Variants in SKAP1 observed in about 807,000 individuals in gnomAD.
SKAP1 encodes src kinase-associated phosphoprotein 1.
A neutral mutation model predicts 58.5 loss-of-function variants in SKAP1; 44 were observed. The observed-to-expected ratio is 0.75, with a 90% confidence interval of 0.59 to 0.97. The LOEUF is 0.97. SKAP1 is among the 50% of genes least tolerant of loss of function. The pLI, the probability that SKAP1 is intolerant of heterozygous loss-of-function variation, is 0.00. For missense variants in SKAP1, 390 were observed against 435.2 expected (o/e 0.90, Z 0.92); for synonymous variants, 127 against 149.7 (o/e 0.85, Z 1.11).
chr17:48,434,043 C>G (rs575653452), upstream of SKAP1, among the ~76,000 whole-genome samples: 58 of 152,330 alleles, frequency 3.8e-4, no homozygotes, highest in Non-Finnish European at 7.3e-4. Flanking sequence ...AGGGCAGGCT[C>G]TGAGGCTTTA....
At chr17:48,330,717 G>A (rs762898487) in intron 4 of SKAP1, among the ~76,000 whole-genome samples, 18 of 152,052 alleles carry the variant, frequency 1.2e-4, no homozygotes, top group Admixed American at 4.6e-4. Flanking sequence ...GAGTTGTCTC[G>A]TTCTTTCAAC....
intron 11 of SKAP1, among the ~76,000 whole-genome samples, chr17:48,157,211 G>A (rs190859933): frequency 7.3e-5 from 11 of 151,006 alleles, no homozygotes; most frequent in South Asian, 2.1e-4. Context: ...GACAGGTGAT[G>A]GGCACTTGGT....
chr17:48,394,708 G>T (rs2067394154), intron 2 of SKAP1, among the ~76,000 whole-genome samples: 1 of 152,064 alleles, frequency 6.6e-6, no homozygotes, highest in Non-Finnish European at 1.5e-5. Flanking sequence ...CTTTTTGGGG[G>T]ACATATAACT....
At chr17:48,210,625 A>G (rs11079816) in intron 4 of SKAP1, among the ~76,000 whole-genome samples, 126,014 of 151,728 alleles carry the variant, frequency 0.83, 52,390 homozygotes, top group East Asian at 0.95. Flanking sequence ...TTGTACTCAC[A>G]GCAATTTTAA....
intron 1 of SKAP1, among the ~76,000 whole-genome samples, chr17:48,418,904 G>A (rs2067762862): frequency 6.6e-6 from 1 of 152,178 alleles, no homozygotes; most frequent in Non-Finnish European, 1.5e-5. Context: ...AATACTGACT[G>A]GAAAGGAAAC....
intron 1 of SKAP1, among the ~76,000 whole-genome samples, chr17:48,400,481 G>C (rs1833328640): frequency 6.6e-6 from 1 of 152,080 alleles, no homozygotes; most frequent in Admixed American, 6.5e-5. Flanking sequence ...ATGTAGGATG[G>C]GCATGGTGGT....
intron 4 of SKAP1, among the ~76,000 whole-genome samples, chr17:48,236,521 T>C (rs1156944471): frequency 6.6e-6 from 1 of 152,184 alleles, no homozygotes; most frequent in Non-Finnish European, 1.5e-5. Flanking sequence ...TCATATTAGG[T>C]TACTTAATCA....
chr17:48,300,936 A>C (rs2066048802), intron 4 of SKAP1, among the ~76,000 whole-genome samples: 1 of 152,174 alleles, frequency 6.6e-6, no homozygotes, highest in African/African-American at 2.4e-5. Context: ...CTAAGGAATG[A>C]GTCCCCTGCC....
intron 8 of SKAP1, among the ~76,000 whole-genome samples, chr17:48,182,138 A>C (rs1488635389): frequency 6.6e-6 from 1 of 152,076 alleles, no homozygotes; most frequent in Non-Finnish European, 1.5e-5. Flanking sequence ...TTTTCTAGTG[A>C]TTTTGAATAT....
chr17:48,215,494 C>T (rs914198365), intron 4 of SKAP1, among the ~76,000 whole-genome samples: 4 of 152,128 alleles, frequency 2.6e-5, no homozygotes, highest in African/African-American at 7.2e-5. Context: ...GAAGGAACAC[C>T]ATTGGGCAGA....
At chr17:48,246,757 A>T (rs894688477) in intron 4 of SKAP1, among the ~76,000 whole-genome samples, 2 of 152,156 alleles carry the variant, frequency 1.3e-5, no homozygotes, top group Non-Finnish European at 2.9e-5. Flanking sequence ...ATCTAAACTG[A>T]CTGATCTCCT....
At chr17:48,402,951 G>A (rs982713473) in intron 1 of SKAP1, among the ~76,000 whole-genome samples, 12 of 151,974 alleles carry the variant, frequency 7.9e-5, no homozygotes, top group African/African-American at 2.7e-4. Flanking sequence ...GTTTTCTTTC[G>A]GTGTAATGAA....
At chr17:48,441,119 A>C in the SKAP1 span, among the ~76,000 whole-genome samples, 4 of 152,114 alleles carry the variant, frequency 2.6e-5, no homozygotes, top group Admixed American at 6.5e-5. Context: ...AAACAAAAAC[A>C]AAAACCAAAC....
the SKAP1 span, among the ~76,000 whole-genome samples, chr17:48,436,698 C>A: frequency 6.6e-6 from 1 of 152,214 alleles, no homozygotes; most frequent in African/African-American, 2.4e-5. Context: ...CAACTCTCAT[C>A]CTTTCCTCTC....
intron 7 of SKAP1, among the ~76,000 whole-genome samples, chr17:48,184,325 C>A (rs1194034403): frequency 1.3e-5 from 2 of 151,850 alleles, no homozygotes; most frequent in Non-Finnish European, 2.9e-5. Context: ...TTTCACTCTA[C>A]AGTTAGATCT....
intron 2 of SKAP1, among the ~76,000 whole-genome samples, chr17:48,394,801 G>A (rs2067395232): frequency 6.6e-6 from 1 of 152,162 alleles, no homozygotes; most frequent in Non-Finnish European, 1.5e-5. Flanking sequence ...AGGAAAACAA[G>A]GGTTACATTA....
chr17:48,441,397 A>G, the SKAP1 span, among the ~76,000 whole-genome samples: 1 of 151,988 alleles, frequency 6.6e-6, no homozygotes, highest in South Asian at 2.1e-4. Flanking sequence ...GCTGAGTATT[A>G]ATTTACCTCA....
At chr17:48,142,491 C>CA (rs1333912823) in intron 11 of SKAP1, among the ~76,000 whole-genome samples, 3 of 151,938 alleles carry the variant, frequency 2.0e-5, no homozygotes, top group African/African-American at 4.8e-5. Flanking sequence ...ACAAAACAAA[C>CA]AAAAAAACTT....
At chr17:48,242,131 G>A in intron 4 of SKAP1, among the ~76,000 whole-genome samples, 1 of 152,122 alleles carries the variant, frequency 6.6e-6, no homozygotes. Context: ...CTTTACCTGG[G>A]GGAAGGGATA....
Sources: gnomAD v4.1 joint callset for allele counts (sites outside exome capture counted in the v4.1 genomes callset) on GRCh38, gnomAD v4.1.1 for gene constraint, MANE v1.5 for transcripts, NCBI Gene and HGNC (gene_info 2026-07-23, HGNC 2026-07-21) for gene names.